PTAFR: variants seen among roughly 807,000 people sequenced by gnomAD.
PTAFR encodes the protein platelet activating factor receptor.
In PTAFR, 8 loss-of-function variants were observed where a neutral mutation model predicts 14.7. That is an observed-to-expected ratio of 0.54 (90% CI 0.32 to 0.98). The LOEUF is 0.98. PTAFR is among the 50% of genes least tolerant of loss of function. The pLI, the probability that PTAFR is intolerant of heterozygous loss-of-function variation, is 0.04. For synonymous variants in PTAFR, 156 were observed against 176.5 expected, an observed-to-expected ratio of 0.88 and a Z score of 0.92; for missense variants, 337 against 451.2, an observed-to-expected ratio of 0.75 and a Z score of 2.29.
chr1:28,178,341 A>G (rs1241329757), upstream of PTAFR, among the ~76,000 whole-genome samples: 1 of 151,786 alleles, frequency 6.6e-6, no homozygotes, highest in African/African-American at 2.4e-5. Context: ...GCTCACTGCA[A>G]CCTCTGCCTC....
intron 1 of PTAFR, among the ~76,000 whole-genome samples, chr1:28,189,977 AT>A (rs1232406810): frequency 1.7e-5 from 2 of 118,840 alleles, no homozygotes; most frequent in African/African-American, 3.2e-5. Flanking sequence ...AATAACATTT[AT>A]TTTTTTTGAG....
chr1:28,153,010 T>C (rs1304308277), intron 1 of PTAFR, among the ~76,000 whole-genome samples: 1 of 152,106 alleles, frequency 6.6e-6, no homozygotes, highest in Non-Finnish European at 1.5e-5. Flanking sequence ...AAATACAATG[T>C]AAGGACATGC....
chr1:28,188,865 G>A (rs557177604), intron 1 of PTAFR, among the ~76,000 whole-genome samples: 1 of 152,056 alleles, frequency 6.6e-6, no homozygotes, highest in Non-Finnish European at 1.5e-5. Flanking sequence ...ATAGAAAAAT[G>A]AGTCAATAAA....
chr1:28,183,373 T>C (rs571955895), intron 1 of PTAFR, among the ~76,000 whole-genome samples: 1 of 152,288 alleles, frequency 6.6e-6, no homozygotes, highest in East Asian at 1.9e-4. Flanking sequence ...GCCCACAATA[T>C]TTAAGTATAT....
chr1:28,160,394 CAAA>C (rs369771521), intron 1 of PTAFR, among the ~76,000 whole-genome samples: 1 of 128,000 alleles, frequency 7.8e-6, no homozygotes, highest in Non-Finnish European at 1.7e-5. Flanking sequence ...GGCTTCATCT[CAAA>C]AAAAAAAAAA....
At chr1:28,175,981 C>A (rs957070979) in intron 1 of PTAFR, among the ~76,000 whole-genome samples, 1 of 152,096 alleles carries the variant, frequency 6.6e-6, no homozygotes, top group East Asian at 1.9e-4. Flanking sequence ...GTCAGCACTG[C>A]CACCATCACC....
Position 28,164,819 on chromosome 1 carries a change from C to T in PTAFR, c.-39+11773G>A, listed in dbSNP as rs115995091. On this transcript the variant is annotated intron_variant, in intron 1 of 1. Transcript: ENST00000373857. ...AATGGGAGCTCCAGATGCTGTGAGG[C>T]CCCAGGAAGAGATGCCTTTGACCTG... is the stretch of plus-strand genomic sequence containing the variant. 1.8e-3 allele frequency among the ~76,000 whole-genome samples: 267 copies of T among 152,264 alleles called. 1 individual carries two copies. The highest frequency in any genetic ancestry group is 6.0e-3 in the African/African-American group (249 of 41,556).
rs139930851 is a variant in PTAFR at position 28,168,125 on chromosome 1, A to ATT, written c.-39+8465_-39+8466dup. On this transcript the variant is annotated intron_variant, in intron 1 of 1. Coordinates refer to ENST00000373857, the MANE Select transcript of PTAFR (RefSeq NM_000952.5). Reference sequence around the variant, plus strand: ...AGGTGCCCGCCACCACACCCGGCTAATTTTTTTTTTTTTTTTTTTGTATTT... The same window carrying ATT: ...AGGTGCCCGCCACCACACCCGGCTAATTTTTTTTTTTTTTTTTTTTTGTATTT... 4.4e-3 allele frequency among the ~76,000 whole-genome samples: 556 copies of ATT among 126,510 alleles called. 4 individuals carry two copies. The highest frequency in any genetic ancestry group is 9.8e-3 in the African/African-American group (317 of 32,426). The allele number at this position is 126,510 out of a possible 152,430, so 83.0% of individuals were successfully genotyped here. A position where few individuals can be genotyped will look rare whatever the true frequency, so the allele number is the denominator to read the frequency against.
intron 1 of PTAFR, among the ~76,000 whole-genome samples, chr1:28,171,473 C>A (rs1245753263): frequency 3.3e-5 from 5 of 152,074 alleles, no homozygotes; most frequent in Admixed American, 2.0e-4. Context: ...CTGACCTGGC[C>A]GTGCCGACCA....
upstream of PTAFR, among the ~76,000 whole-genome samples, chr1:28,177,547 C>T (rs905551011): frequency 2.6e-5 from 4 of 152,136 alleles, no homozygotes; most frequent in Non-Finnish European, 4.4e-5. Flanking sequence ...AGCCACTGAG[C>T]CTGGCCCTGT....
At chr1:28,156,016 C>T (rs769064076) in intron 1 of PTAFR, among the ~76,000 whole-genome samples, 1 of 151,942 alleles carries the variant, frequency 6.6e-6, no homozygotes, top group African/African-American at 2.4e-5. Context: ...AATACCAGCA[C>T]TTTGGGAGGC....
chr1:28,171,317 C>T (rs1173589924), intron 1 of PTAFR, among the ~76,000 whole-genome samples: 4 of 148,378 alleles, frequency 2.7e-5, no homozygotes, highest in Non-Finnish European at 4.5e-5. Context: ...ACCGAGACTC[C>T]ATCTCAAAAA....
chr1:28,155,413 G>A (rs1379031768), intron 1 of PTAFR, among the ~76,000 whole-genome samples: 1 of 152,122 alleles, frequency 6.6e-6, no homozygotes, highest in Non-Finnish European at 1.5e-5. Context: ...GTTTCACCAT[G>A]TTGGTCAGGC....
chr1:28,190,261 T>A (rs547601606), intron 1 of PTAFR, among the ~76,000 whole-genome samples: 2 of 152,338 alleles, frequency 1.3e-5, no homozygotes, highest in Admixed American at 1.3e-4. Flanking sequence ...TGAGCCACCA[T>A]GCCTGGCCAG....
intron 1 of PTAFR, among the ~76,000 whole-genome samples, chr1:28,153,597 A>T (rs909355266): frequency 4.0e-5 from 6 of 151,670 alleles, no homozygotes; most frequent in African/African-American, 1.5e-4. Flanking sequence ...AAAAAAAAAA[A>T]AAAAAATACA....
At chr1:28,166,435 G>T (rs1646385645) in intron 1 of PTAFR, among the ~76,000 whole-genome samples, 1 of 152,178 alleles carries the variant, frequency 6.6e-6, no homozygotes, top group African/African-American at 2.4e-5. Context: ...ACTTTGTGGG[G>T]CTAAGGTGGG....
At chr1:28,170,832 C>T (rs1417490032) in intron 1 of PTAFR, among the ~76,000 whole-genome samples, 1 of 151,540 alleles carries the variant, frequency 6.6e-6, no homozygotes, top group African/African-American at 2.4e-5. Flanking sequence ...AACCCTGTCT[C>T]TACTAAAAAT....
At chr1:28,155,396 A>G (rs1646252358) in intron 1 of PTAFR, among the ~76,000 whole-genome samples, 1 of 152,058 alleles carries the variant, frequency 6.6e-6, no homozygotes, top group Admixed American at 6.5e-5. Flanking sequence ...TTTTTAGTAG[A>G]GACGGCGTTT....
At chr1:28,151,151 T>A in intron 1 of PTAFR, 92 bp from the exon 2 acceptor site, 1 of 713,068 alleles carries the variant, frequency 1.4e-6, no homozygotes, top group Non-Finnish European at 2.3e-6. Context: ...ATGGTTAGAA[T>A]GATGATGTCC....
Sources: gnomAD v4.1 joint callset for allele counts (sites outside exome capture counted in the v4.1 genomes callset) on GRCh38, gnomAD v4.1.1 for gene constraint, MANE v1.5 for transcripts, NCBI Gene and HGNC (gene_info 2026-07-23, HGNC 2026-07-21) for gene names.